INPP4B: variants seen among roughly 807,000 people sequenced by gnomAD.
INPP4B encodes inositol polyphosphate 4-phosphatase type II.
INPP4B carries 55 observed loss-of-function variants against 122.5 expected under a neutral mutation model. The observed-to-expected ratio is 0.45, with a 90% CI of 0.36 to 0.56. The LOEUF (loss-of-function observed/expected upper bound fraction) is 0.56. Ranked by LOEUF, INPP4B falls within the 20% of genes least tolerant of loss-of-function variation. The probability of loss-of-function intolerance (pLI) is 0.00; values close to 1 mark genes in which losing one functional copy is unlikely to be tolerated. For missense variants in INPP4B, 1,000 were observed against 1,097.7 expected (o/e 0.91, Z 1.26); for synonymous variants, 403 against 388.7 (o/e 1.04, Z -0.43).
chr4:142,544,123 TGTGTGTG>T lies in INPP4B; in HGVS notation c.-190-81404_-190-81398del, dbSNP rs1240830651. Among the ~76,000 whole-genome samples the T allele has an allele frequency of 0.016, 80 of 4,916 alleles. 2 individuals are homozygous for T. The South Asian group carries it at 0.25, about 15-fold the overall frequency. The allele number at this position is 4,916 out of a possible 152,430, so 3.2% of individuals were successfully genotyped here. A position where few individuals can be genotyped will look rare whatever the true frequency, so the allele number is the denominator to read the frequency against. On this transcript the variant is annotated intron_variant, in intron 2 of 25. Coordinates refer to ENST00000262992, the MANE Select transcript of INPP4B (RefSeq NM_001101669.3). ...TATAATGCACAAATACTGCATGGTG[TGTGTGTG>T]GTGTGTGTGTGTGTGTGTGTGTGTG...
At chr4:142,468,838 C>T (rs1169632903) in intron 2 of INPP4B, among the ~76,000 whole-genome samples, 5 of 152,096 alleles carry the variant, frequency 3.3e-5, no homozygotes, top group African/African-American at 1.2e-4. Flanking sequence ...CTCAGGTGTT[C>T]TTTTATAGCA....
intron 2 of INPP4B, among the ~76,000 whole-genome samples, chr4:142,626,609 G>C (rs1746467416): frequency 1.3e-5 from 2 of 151,986 alleles, no homozygotes; most frequent in Admixed American, 1.3e-4. Context: ...TTTCAGCCTT[G>C]TGGGATCATG....
intron 12 of INPP4B, among the ~76,000 whole-genome samples, chr4:142,235,805 T>A (rs1195017772): frequency 6.6e-6 from 1 of 152,336 alleles, no homozygotes; most frequent in South Asian, 2.1e-4. Context: ...TATATCATAG[T>A]TGTATATATT....
chr4:142,778,681 C>A (rs1026697886), intron 1 of INPP4B, among the ~76,000 whole-genome samples: 3 of 152,092 alleles, frequency 2.0e-5, no homozygotes, highest in Admixed American at 1.3e-4. Flanking sequence ...CTAAAGCAGT[C>A]TCTCACATTG....
chr4:142,280,067 C>CTTA (rs200722919), intron 9 of INPP4B, among the ~76,000 whole-genome samples: 4,897 of 151,944 alleles, frequency 0.032, 87 homozygotes, highest in Non-Finnish European at 0.051. Context: ...CTTTAACACC[C>CTTA]TTACAATGGC....
chr4:142,294,829 C>CTAAAAAAAAAAAAAAAAAAAAAAAAAAA (rs1757901177), intron 9 of INPP4B, among the ~76,000 whole-genome samples: 1 of 28,462 alleles, frequency 3.5e-5, no homozygotes, highest in Non-Finnish European at 6.4e-5. Flanking sequence ...GACTCCGTCT[C>CTAAAAAAAAAAAAAAAAAAAAAAAAAAA]AAAAAAAAAA....
chr4:142,721,188 CTCT>C (rs1313586398), intron 2 of INPP4B, among the ~76,000 whole-genome samples: 1 of 151,950 alleles, frequency 6.6e-6, no homozygotes, highest in Admixed American at 6.6e-5. Flanking sequence ...ATTGCCAATT[CTCT>C]GAGAGCCCCA....
intron 18 of INPP4B, among the ~76,000 whole-genome samples, chr4:142,130,159 A>G (rs918960455): frequency 1.3e-5 from 2 of 152,194 alleles, no homozygotes; most frequent in Admixed American, 1.3e-4. Context: ...AAAGGAAGTC[A>G]CATGTGGAAA....
At chr4:142,549,752 T>C (rs1020260022) in intron 2 of INPP4B, among the ~76,000 whole-genome samples, 7 of 152,170 alleles carry the variant, frequency 4.6e-5, no homozygotes, top group Non-Finnish European at 1.0e-4. Context: ...CCTGATGGGC[T>C]TACATTCAGG....
chr4:142,200,148 G>C (rs898987422), intron 14 of INPP4B, among the ~76,000 whole-genome samples: 9 of 151,656 alleles, frequency 5.9e-5, no homozygotes, highest in African/African-American at 2.2e-4. Flanking sequence ...TAGACCCATG[G>C]GAATTTTTCA....
At chr4:142,522,446 G>C (rs530309065) in intron 2 of INPP4B, among the ~76,000 whole-genome samples, 1 of 150,306 alleles carries the variant, frequency 6.7e-6, no homozygotes, top group South Asian at 2.1e-4. Context: ...TTGGCCTCAA[G>C]ACATCCTCAT....
At chr4:142,408,469 C>G (rs528046898) in intron 5 of INPP4B, among the ~76,000 whole-genome samples, 1 of 152,284 alleles carries the variant, frequency 6.6e-6, no homozygotes, top group South Asian at 2.1e-4. Context: ...ACAAGAATTG[C>G]TTGAACCCCA....
At chr4:142,127,060 A>C (rs1798939059) in intron 18 of INPP4B, among the ~76,000 whole-genome samples, 1 of 152,166 alleles carries the variant, frequency 6.6e-6, no homozygotes, top group East Asian at 1.9e-4. Flanking sequence ...CAAACATAAA[A>C]TACATCTTCT....
chr4:142,305,803 G>A, intron 8 of INPP4B: 8 of 1,207,574 alleles, frequency 6.6e-6, no homozygotes, highest in Non-Finnish European at 8.3e-6. Context: ...ACCCAGAGTT[G>A]TTTCACTAAC....
chr4:142,067,903 C>G (rs182489146), intron 25 of INPP4B, among the ~76,000 whole-genome samples: 5 of 152,346 alleles, frequency 3.3e-5, no homozygotes, highest in Admixed American at 2.0e-4. Context: ...TTGGAAAACA[C>G]TCTGCAGGAT....
At chr4:142,650,817 C>G (rs531381783) in intron 2 of INPP4B, among the ~76,000 whole-genome samples, 1 of 152,154 alleles carries the variant, frequency 6.6e-6, no homozygotes, top group Non-Finnish European at 1.5e-5. Flanking sequence ...ATCAACGAGA[C>G]AGAAGGTTAA....
chr4:142,528,711 T>A (rs1355188096), intron 2 of INPP4B, among the ~76,000 whole-genome samples: 1 of 152,100 alleles, frequency 6.6e-6, no homozygotes, highest in Non-Finnish European at 1.5e-5. Context: ...ACAATAGTCA[T>A]CTCTAAGCAA....
chr4:142,605,822 A>G (rs1044300879), intron 2 of INPP4B, among the ~76,000 whole-genome samples: 1 of 151,942 alleles, frequency 6.6e-6, no homozygotes, highest in Admixed American at 6.6e-5. Context: ...TAGTACAACC[A>G]CTATGGAAAA....
chr4:142,199,230 T>G (rs774941847), intron 14 of INPP4B, among the ~76,000 whole-genome samples: 2 of 152,002 alleles, frequency 1.3e-5, no homozygotes, highest in Non-Finnish European at 2.9e-5. Context: ...ATTTAGATGC[T>G]CAATTCGGTT....
Sources: allele counts gnomAD v4.1 joint callset (sites outside exome capture counted in the v4.1 genomes callset), GRCh38; gene constraint gnomAD v4.1.1; transcripts MANE v1.5; gene names NCBI Gene and HGNC (gene_info 2026-07-23, HGNC 2026-07-21).